The following BLTP3B variants were observed in gnomAD, a reference collection of about 807,000 sequenced individuals.
The protein encoded by BLTP3B is bridge-like lipid transfer protein family member 3B, also known as UHRF1 (ICBP90) binding protein 1-like.
chr12:100,044,984 G>T, the BLTP3B span, among the ~76,000 whole-genome samples: 2 of 152,088 alleles, frequency 1.3e-5, no homozygotes, highest in Admixed American at 1.3e-4. Context: ...AATCATGAGT[G>T]AACTCTCATT....
At chr12:100,064,879 A>T in the BLTP3B span, among the ~76,000 whole-genome samples, 1 of 151,890 alleles carries the variant, frequency 6.6e-6, no homozygotes, top group Non-Finnish European at 1.5e-5. Flanking sequence ...TAAAAAAAAA[A>T]TTAAAAAATT....
chr12:100,096,649 T>C, the BLTP3B span, among the ~76,000 whole-genome samples: 1 of 151,206 alleles, frequency 6.6e-6, no homozygotes, highest in Non-Finnish European at 1.5e-5. Context: ...CGAGACCCTG[T>C]CTCTACAAAA....
chr12:100,042,069 A>G, the BLTP3B span, among the ~76,000 whole-genome samples: 1 of 152,356 alleles, frequency 6.6e-6, no homozygotes, highest in Non-Finnish European at 1.5e-5. Flanking sequence ...AAAACTTACT[A>G]TACTCTGAAA....
At chr12:100,135,530 A>C in the BLTP3B span, among the ~76,000 whole-genome samples, 1 of 151,910 alleles carries the variant, frequency 6.6e-6, no homozygotes, top group South Asian at 2.1e-4. Flanking sequence ...CAGCCTCCCA[A>C]AGTGCTGGGA....
At chr12:100,117,370 C>A in the BLTP3B span, among the ~76,000 whole-genome samples, 1 of 152,168 alleles carries the variant, frequency 6.6e-6, no homozygotes, top group South Asian at 2.1e-4. Context: ...TCTTAACTAA[C>A]CTCTGTGGTC....
chr12:100,098,638 A>T, the BLTP3B span: 1 of 1,309,610 alleles, frequency 7.6e-7, no homozygotes, highest in African/African-American at 1.5e-5. Flanking sequence ...ATGGTGGCTC[A>T]TACCTGTACT....
the BLTP3B span, among the ~76,000 whole-genome samples, chr12:100,094,831 G>C: frequency 7.2e-5 from 11 of 152,160 alleles, no homozygotes; most frequent in African/African-American, 2.7e-4. Context: ...GTGAACTCCA[G>C]GTTGGGCTAA....
chr12:100,084,281 G>A, the BLTP3B span, among the ~76,000 whole-genome samples: 1 of 151,540 alleles, frequency 6.6e-6, no homozygotes, highest in Non-Finnish European at 1.5e-5. Flanking sequence ...ACCGCTTGAG[G>A]CCAGGAGTTT....
the BLTP3B span, chr12:100,102,963 T>A: frequency 2.7e-6 from 2 of 751,122 alleles, no homozygotes; most frequent in Non-Finnish European, 3.9e-6. Flanking sequence ...AGGAAGAAAG[T>A]AAAAAGTGAG....
At chr12:100,070,195 C>A in the BLTP3B span, 1 of 1,553,738 alleles carries the variant, frequency 6.4e-7, no homozygotes, top group Non-Finnish European at 8.7e-7. Context: ...GAGAAACACA[C>A]ACAGATAAAC....
At chr12:100,097,687 C>T in the BLTP3B span, among the ~76,000 whole-genome samples, 1 of 152,144 alleles carries the variant, frequency 6.6e-6, no homozygotes, top group South Asian at 2.1e-4. Flanking sequence ...TACACCTCTT[C>T]ATATTCATAT....
chr12:100,099,565 A>T, the BLTP3B span, among the ~76,000 whole-genome samples: 5 of 150,318 alleles, frequency 3.3e-5, no homozygotes, highest in African/African-American at 1.2e-4. Context: ...TGGACAACAC[A>T]GACAGATCTC....
At chr12:100,111,504 T>A in the BLTP3B span, among the ~76,000 whole-genome samples, 1 of 152,024 alleles carries the variant, frequency 6.6e-6, no homozygotes, top group Non-Finnish European at 1.5e-5. Context: ...CAGGCTAGAG[T>A]GCAGTGGTTT....
chr12:100,098,241 A>T, the BLTP3B span: 1 of 1,199,982 alleles, frequency 8.3e-7, no homozygotes, highest in East Asian at 2.5e-5. Context: ...CAAAAAAAGT[A>T]ATACAGAGAA....
the BLTP3B span, among the ~76,000 whole-genome samples, chr12:100,091,476 C>G: frequency 2.0e-5 from 3 of 151,682 alleles, no homozygotes; most frequent in Non-Finnish European, 4.4e-5. Flanking sequence ...GCGTGAGCCA[C>G]AGCGTCCGGC....
chr12:100,099,915 G>T, the BLTP3B span, among the ~76,000 whole-genome samples: 2 of 144,676 alleles, frequency 1.4e-5, no homozygotes, highest in African/African-American at 5.0e-5. Flanking sequence ...GTGACAGAGA[G>T]AGATCACATT....
At chr12:100,086,317 A>G in the BLTP3B span, 62 of 1,478,778 alleles carry the variant, frequency 4.2e-5, no homozygotes, top group Non-Finnish European at 5.5e-5. Flanking sequence ...AGCTGTGTAA[A>G]AGAGAGTTGC....
chr12:100,114,298 C>T, the BLTP3B span, among the ~76,000 whole-genome samples: 1 of 152,010 alleles, frequency 6.6e-6, no homozygotes, highest in East Asian at 1.9e-4. Flanking sequence ...ATTCTTTCCT[C>T]CAGAAATTTG....
the BLTP3B span, chr12:100,092,760 G>T: frequency 3.6e-6 from 1 of 279,606 alleles, no homozygotes; most frequent in Non-Finnish European, 5.4e-6. Context: ...TGCCATCTCT[G>T]TTACCAATCA....
Sources: allele counts gnomAD v4.1 joint callset (sites outside exome capture counted in the v4.1 genomes callset), GRCh38; gene constraint gnomAD v4.1.1; transcripts MANE v1.5; gene names NCBI Gene and HGNC (gene_info 2026-07-23, HGNC 2026-07-21).